GDAP1: variants seen among roughly 807,000 people sequenced by gnomAD.
GDAP1 encodes the protein ganglioside induced differentiation associated protein 1, also known as ganglioside-induced differentiation-associated protein 1.
Under a neutral mutation model 40.1 loss-of-function variants are expected in GDAP1, and 34 were observed. That is an observed-to-expected ratio of 0.85 (90% CI 0.64 to 1.13). GDAP1 has a LOEUF of 1.13. Ranked by LOEUF, GDAP1 falls within the 50% of genes most tolerant of loss-of-function variation. The pLI is 0.00. For missense variants in GDAP1, 374 were observed against 433.7 expected (o/e 0.86, Z 1.22); for synonymous variants, 170 against 157.4 (o/e 1.08, Z -0.60).
intron 2 of GDAP1, among the ~76,000 whole-genome samples, chr8:74,463,673 G>A (rs6999775): frequency 1 from 152,221 of 152,306 alleles, 76,068 homozygotes; most frequent in Non-Finnish European, 1. Flanking sequence ...TAGCTTTGGA[G>A]AGAAACTGTC....
chr8:74,439,009 C>T (rs897360548), intron 2 of GDAP1, among the ~76,000 whole-genome samples: 4 of 148,882 alleles, frequency 2.7e-5, no homozygotes, highest in South Asian at 4.4e-4. Flanking sequence ...TTATGACATA[C>T]GTGTGTGTAT....
chr8:74,442,593 T>A (rs775306131), intron 2 of GDAP1, among the ~76,000 whole-genome samples: 8 of 152,188 alleles, frequency 5.3e-5, no homozygotes, highest in Non-Finnish European at 1.2e-4. Flanking sequence ...AAAAACAAAC[T>A]CTTGGAGATT....
At chr8:74,484,336 C>T (rs1161740017) in intron 2 of GDAP1, among the ~76,000 whole-genome samples, 1 of 152,084 alleles carries the variant, frequency 6.6e-6, no homozygotes. Context: ...TATAAAGTTG[C>T]TCTTTAAATG....
At position 74,360,014 on chromosome 8, in the gene GDAP1, G is replaced by A. The variant is rs1192639613; in HGVS notation, c.311-123G>A. ...TGAATGTCTGAGGTGAGGAGACAGT[G>A]TTTTTTGAATATACAGATATGTTGA... On this transcript the variant is annotated intron_variant, in intron 2 of 5. Coordinates refer to ENST00000220822, the MANE Select transcript of GDAP1 (RefSeq NM_018972.4). The A allele has an allele frequency of 8.0e-6, 6 of 748,596 alleles. No individual in the cohort carries two copies. The Admixed American group carries it at 1.2e-4, about 15-fold the overall frequency. 46.4% of individuals were successfully genotyped at this position (748,596 alleles called of 1,614,324 possible). A position where few individuals can be genotyped will look rare whatever the true frequency, so the allele number is the denominator to read the frequency against.
intron 3 of GDAP1, 76 bp downstream of exon 3, chr8:74,360,386 A>T: frequency 8.1e-7 from 1 of 1,231,346 alleles, no homozygotes; most frequent in Non-Finnish European, 1.2e-6. Context: ...AGCATGTCTC[A>T]TGGTCACTAA....
chr8:74,369,902 CT>C (rs1271243777), downstream of GDAP1, among the ~76,000 whole-genome samples: 20 of 152,242 alleles, frequency 1.3e-4, no homozygotes, highest in African/African-American at 4.6e-4. Flanking sequence ...ATGAAAATGT[CT>C]TTAAAGTGCT....
chr8:74,428,472 T>G (rs1805981695), intron 2 of GDAP1, among the ~76,000 whole-genome samples: 3 of 150,898 alleles, frequency 2.0e-5, no homozygotes, highest in Admixed American at 2.0e-4. Context: ...TTGTTTTGTT[T>G]TTTTTTTTTT....
chr8:74,476,953 C>G (rs1278261281), intron 2 of GDAP1, among the ~76,000 whole-genome samples: 1 of 152,092 alleles, frequency 6.6e-6, no homozygotes, highest in Non-Finnish European at 1.5e-5. Context: ...TTACATAATC[C>G]TGTATTTCTC....
chr8:74,443,634 C>T (rs1806191264), intron 2 of GDAP1, among the ~76,000 whole-genome samples: 1 of 152,072 alleles, frequency 6.6e-6, no homozygotes, highest in Non-Finnish European at 1.5e-5. Context: ...GACTTCCTCT[C>T]TAAAAAACAC....
At chr8:74,397,201 T>G (rs200558672) in intron 2 of GDAP1, among the ~76,000 whole-genome samples, 69,678 of 134,446 alleles carry the variant, frequency 0.52, 16,444 homozygotes, top group African/African-American at 0.6. Context: ...TTTGATGGGT[T>G]TTTTTTTTTT....
intron 3 of GDAP1, among the ~76,000 whole-genome samples, chr8:74,361,328 C>T (rs1380556165): frequency 6.6e-6 from 1 of 152,114 alleles, no homozygotes; most frequent in African/African-American, 2.4e-5. Context: ...CTGTAAAGTG[C>T]TGGGCCTTGC....
At chr8:74,471,506 C>G (rs534079232) in intron 2 of GDAP1, among the ~76,000 whole-genome samples, 218 of 149,724 alleles carry the variant, frequency 1.5e-3, no homozygotes, top group Admixed American at 3.2e-3. Context: ...TTTTGATATT[C>G]TTTTTCTCAA....
At chr8:74,404,500 G>A (rs1361916136) in intron 2 of GDAP1, among the ~76,000 whole-genome samples, 1 of 149,488 alleles carries the variant, frequency 6.7e-6, no homozygotes, top group Non-Finnish European at 1.5e-5. Flanking sequence ...CTCATTTTAA[G>A]AAGTGAATAT....
intron 2 of GDAP1, among the ~76,000 whole-genome samples, chr8:74,441,222 G>C (rs1419459086): frequency 1.3e-5 from 2 of 152,090 alleles, no homozygotes; most frequent in African/African-American, 4.8e-5. Flanking sequence ...AACAACGAAA[G>C]ACTTGGGCCA....
At chr8:74,481,837 C>A (rs533510644) in intron 2 of GDAP1, among the ~76,000 whole-genome samples, 1 of 152,104 alleles carries the variant, frequency 6.6e-6, no homozygotes, top group Non-Finnish European at 1.5e-5. Flanking sequence ...TGGGAAAATA[C>A]CCAATTTTTT....
chr8:74,356,678 G>A (rs1189080264), intron 2 of GDAP1, among the ~76,000 whole-genome samples: 1 of 138,674 alleles, frequency 7.2e-6, no homozygotes, highest in Non-Finnish European at 1.6e-5. Context: ...GTGTGTGTGT[G>A]TGTGTGTGTG....
intron 2 of GDAP1, among the ~76,000 whole-genome samples, chr8:74,434,946 G>T (rs182927034): frequency 3.9e-5 from 6 of 152,214 alleles, no homozygotes; most frequent in Admixed American, 3.9e-4. Context: ...CTTTGGCAGA[G>T]AATGACTTTT....
intron 2 of GDAP1, among the ~76,000 whole-genome samples, chr8:74,422,092 G>T (rs1011865177): frequency 2.0e-5 from 3 of 151,996 alleles, no homozygotes; most frequent in Admixed American, 6.6e-5. Flanking sequence ...GGTAGCACAT[G>T]ATTACCAAAA....
intron 2 of GDAP1, among the ~76,000 whole-genome samples, chr8:74,401,583 C>G (rs13271475): frequency 0.38 from 56,327 of 149,614 alleles, 11,816 homozygotes; most frequent in Middle Eastern, 0.46. Flanking sequence ...CAGCTTTGTT[C>G]CATTGCTGGT....
Sources: allele counts gnomAD v4.1 joint callset (sites outside exome capture counted in the v4.1 genomes callset), GRCh38; gene constraint gnomAD v4.1.1; transcripts MANE v1.5; gene names NCBI Gene and HGNC (gene_info 2026-07-23, HGNC 2026-07-21).